The following CSMD1 variants were observed in gnomAD, a reference collection of about 807,000 sequenced individuals.
CSMD1 encodes the protein CUB and sushi domain-containing protein 1.
A neutral mutation model predicts 417.5 loss-of-function variants in CSMD1; 213 were observed. The ratio of observed to expected loss-of-function variants is 0.51; its 90% confidence interval spans 0.46 to 0.57. The LOEUF (loss-of-function observed/expected upper bound fraction) is 0.57. Among genes scored for constraint, CSMD1 ranks in the 20% least tolerant of loss-of-function variants. CSMD1 has a pLI of 0.00. For synonymous variants in CSMD1, 2,862 were observed against 1,736.8 expected (o/e 1.65, Z -16.11); for missense variants, 6,923 against 4,529.7 (o/e 1.53, Z -15.17).
intron 2 of CSMD1, among the ~76,000 whole-genome samples, chr8:4,617,004 G>C (rs911032633): frequency 4.0e-5 from 6 of 151,872 alleles, no homozygotes; most frequent in Non-Finnish European, 8.8e-5. Flanking sequence ...TATTCCATAA[G>C]TGATTTCTAA....
intron 3 of CSMD1, among the ~76,000 whole-genome samples, chr8:4,122,591 A>G (rs1010168868): frequency 6.6e-6 from 1 of 152,184 alleles, no homozygotes; most frequent in Non-Finnish European, 1.5e-5. Context: ...ATGCCCTACA[A>G]AATTAGGGCT....
intron 3 of CSMD1, among the ~76,000 whole-genome samples, chr8:4,114,650 T>G (rs1585343116): frequency 6.6e-6 from 1 of 152,334 alleles, no homozygotes; most frequent in African/African-American, 2.4e-5. Flanking sequence ...AGGATTATCT[T>G]TGCTAGATGC....
At chr8:3,244,366 T>G (rs1385566743) in intron 26 of CSMD1, among the ~76,000 whole-genome samples, 2 of 152,194 alleles carry the variant, frequency 1.3e-5, no homozygotes, top group African/African-American at 4.8e-5. Flanking sequence ...TATGCAAACC[T>G]AGGACGTGTC....
At chr8:4,569,927 G>T (rs1042888696) in intron 2 of CSMD1, among the ~76,000 whole-genome samples, 1 of 152,112 alleles carries the variant, frequency 6.6e-6, no homozygotes. Flanking sequence ...GTTCACTTAT[G>T]ATTTGGCTCT....
chr8:3,234,415 G>C (rs1222912659), intron 26 of CSMD1, among the ~76,000 whole-genome samples: 1 of 151,972 alleles, frequency 6.6e-6, no homozygotes, highest in Non-Finnish European at 1.5e-5. Context: ...CATTCTTCTC[G>C]TCATTATCAG....
rs1161415373 is a variant in CSMD1 at position 3,814,208 on chromosome 8, C to T, written c.819-60166G>A. Among the ~76,000 whole-genome samples the T allele has an allele frequency of 2.0e-5, 3 of 152,144 alleles. No individual in the cohort carries two copies. In the East Asian group the frequency reaches 5.8e-4, roughly 29 times the overall value. ...TGCAAGACACTTTCAACATGTTTCC[C>T]AGCTCATCAGCTCGTCTGCATTCTG... On this transcript the variant is annotated intron_variant, in intron 5 of 69. Transcript: ENST00000635120.
At chr8:4,923,438 T>C (rs774092404) in intron 1 of CSMD1, among the ~76,000 whole-genome samples, 1 of 152,210 alleles carries the variant, frequency 6.6e-6, no homozygotes, top group Non-Finnish European at 1.5e-5. Context: ...ATATACATTC[T>C]CCATGGTGTG....
chr8:4,376,069 A>C (rs930478312), intron 3 of CSMD1, among the ~76,000 whole-genome samples: 1 of 152,164 alleles, frequency 6.6e-6, no homozygotes, highest in Non-Finnish European at 1.5e-5. Context: ...TAGAGAAGAA[A>C]ATTTCCATAA....
intron 3 of CSMD1, among the ~76,000 whole-genome samples, chr8:4,213,010 T>C (rs1430328171): frequency 6.6e-6 from 1 of 152,110 alleles, no homozygotes; most frequent in Admixed American, 6.6e-5. Context: ...CAGTCTTTGT[T>C]TTCTTATTTT....
intron 3 of CSMD1, among the ~76,000 whole-genome samples, chr8:4,320,059 A>G (rs1049886867): frequency 1.3e-5 from 2 of 152,138 alleles, no homozygotes; most frequent in African/African-American, 4.8e-5. Context: ...TAAACAAAAG[A>G]CTTCGTTGGT....
chr8:3,490,984 G>T (rs1002240732), intron 11 of CSMD1, among the ~76,000 whole-genome samples: 1 of 152,064 alleles, frequency 6.6e-6, no homozygotes, highest in African/African-American at 2.4e-5. Context: ...TTTTCAGGGG[G>T]GATAATTGGA....
intron 26 of CSMD1, among the ~76,000 whole-genome samples, chr8:3,260,327 G>A (rs188693499): frequency 1.3e-5 from 2 of 152,214 alleles, no homozygotes; most frequent in East Asian, 1.9e-4. Context: ...GGGTGTTGCA[G>A]GATCAATGGG....
At chr8:4,825,904 G>A (rs764651826) in intron 1 of CSMD1, among the ~76,000 whole-genome samples, 24 of 151,634 alleles carry the variant, frequency 1.6e-4, no homozygotes, top group South Asian at 8.3e-4. Context: ...ACATCACTGC[G>A]AACCAAGAAA....
chr8:4,453,949 G>A lies in CSMD1; in HGVS notation c.303-33884C>T, dbSNP rs528274491. Among the ~76,000 whole-genome samples, 14 of 148,634 alleles carry A rather than the reference G, an allele frequency of 9.4e-5. No individual in the cohort carries two copies. In the South Asian group the frequency reaches 3.0e-3, roughly 32 times the overall value. ...GCATTCTCCTGCCTCAGCCTCCCGA[G>A]TAGCTGGGACTACAGGCGCCCGCCA... On this transcript the variant is annotated intron_variant, in intron 2 of 69. Coordinates refer to ENST00000635120, the MANE Select transcript of CSMD1 (RefSeq NM_033225.6).
intron 2 of CSMD1, among the ~76,000 whole-genome samples, chr8:4,463,950 A>C (rs568741540): frequency 6.6e-6 from 1 of 152,342 alleles, no homozygotes; most frequent in East Asian, 1.9e-4. Context: ...ACTAGAGAAC[A>C]GAGCGCAATA....
chr8:3,262,086 T>A (rs1481292508), intron 26 of CSMD1, among the ~76,000 whole-genome samples: 1 of 150,880 alleles, frequency 6.6e-6, no homozygotes, highest in East Asian at 2.0e-4. Flanking sequence ...ACAAGTTCAA[T>A]TAAAAAAGTA....
chr8:4,585,794 T>C (rs1189029356), intron 2 of CSMD1, among the ~76,000 whole-genome samples: 1 of 152,198 alleles, frequency 6.6e-6, no homozygotes, highest in Non-Finnish European at 1.5e-5. Flanking sequence ...ACATTTTAAG[T>C]TAAATTAAAT....
intron 23 of CSMD1, among the ~76,000 whole-genome samples, chr8:3,318,467 C>A (rs1805927466): frequency 6.6e-6 from 1 of 152,184 alleles, no homozygotes; most frequent in Non-Finnish European, 1.5e-5. Context: ...CCTTGCTCAC[C>A]AGAAACTCAT....
chr8:3,576,710 G>T (rs1190854453), intron 9 of CSMD1, among the ~76,000 whole-genome samples: 4 of 152,136 alleles, frequency 2.6e-5, no homozygotes, highest in Non-Finnish European at 5.9e-5. Flanking sequence ...ATGAAAACAT[G>T]GACCCCTCTT....
Sources: gnomAD v4.1 joint callset for allele counts (sites outside exome capture counted in the v4.1 genomes callset) on GRCh38, gnomAD v4.1.1 for gene constraint, MANE v1.5 for transcripts, NCBI Gene and HGNC (gene_info 2026-07-23, HGNC 2026-07-21) for gene names.